Variants in KCNIP4 observed in about 807,000 individuals in gnomAD.
KCNIP4 encodes Kv channel-interacting protein 4.
In KCNIP4, 12 loss-of-function variants were observed where a neutral mutation model predicts 34.0. The observed-to-expected ratio is 0.35, with a 90% CI of 0.23 to 0.57. The LOEUF (loss-of-function observed/expected upper bound fraction) is 0.57, where lower values mean the gene tolerates loss of function less well. KCNIP4 is among the 20% of genes least tolerant of loss of function. The pLI is 0.83. For synonymous variants in KCNIP4, 124 were observed against 102.2 expected, an observed-to-expected ratio of 1.21 and a Z score of -1.29; for missense variants, 238 against 311.7, an observed-to-expected ratio of 0.76 and a Z score of 1.78.
chr4:20,890,463 G>A (rs1376858414), intron 1 of KCNIP4, among the ~76,000 whole-genome samples: 2 of 151,920 alleles, frequency 1.3e-5, no homozygotes, highest in Non-Finnish European at 2.9e-5. Context: ...ATCCTGTTTC[G>A]ATTATTAACA....
intron 3 of KCNIP4, among the ~76,000 whole-genome samples, chr4:20,797,541 T>C (rs1448018331): frequency 2.0e-5 from 3 of 152,244 alleles, no homozygotes; most frequent in East Asian, 1.9e-4. Context: ...CACTATACAG[T>C]TGATCTTAAG....
chr4:21,430,674 C>T (rs1397700037), intron 1 of KCNIP4, among the ~76,000 whole-genome samples: 1 of 151,964 alleles, frequency 6.6e-6, no homozygotes, highest in Non-Finnish European at 1.5e-5. Flanking sequence ...CAATAGCCTC[C>T]GAAGGTTAAA....
intron 1 of KCNIP4, among the ~76,000 whole-genome samples, chr4:21,498,255 C>A (rs1186614334): frequency 6.6e-6 from 1 of 151,982 alleles, no homozygotes; most frequent in East Asian, 1.9e-4. Flanking sequence ...CGTTACCCAC[C>A]AAGAAACTTT....
intron 1 of KCNIP4, among the ~76,000 whole-genome samples, chr4:21,294,680 T>C (rs1337700904): frequency 6.6e-6 from 1 of 152,190 alleles, no homozygotes; most frequent in Non-Finnish European, 1.5e-5. Flanking sequence ...ACAATATGTA[T>C]GCTACCAAAT....
chr4:20,928,752 A>T (rs1730148271), intron 1 of KCNIP4, among the ~76,000 whole-genome samples: 1 of 152,010 alleles, frequency 6.6e-6, no homozygotes, highest in African/African-American at 2.4e-5. Context: ...ATAAAATCAG[A>T]AATAAAAGTA....
At chr4:21,159,381 A>AAAAT (rs1471909232) in intron 1 of KCNIP4, among the ~76,000 whole-genome samples, 2 of 86,358 alleles carry the variant, frequency 2.3e-5, no homozygotes, top group Non-Finnish European at 2.4e-5. Flanking sequence ...TATACTAAAG[A>AAAAT]TATGTTTGAG....
rs190709909 is a variant in KCNIP4 at position 21,902,230 on chromosome 4, T to C, written c.61+46341A>G. On this transcript the variant is annotated intron_variant, in intron 1 of 8. Transcript: ENST00000382152. ...TTGAGGCCTCATGAATACAGGGCAT[T>C]TCCTTCATCACACAGAGGACATCAT... 2.3e-4 allele frequency among the ~76,000 whole-genome samples: 35 copies of C among 152,162 alleles called. No individual in the cohort carries two copies. In the East Asian group the frequency reaches 6.8e-3, roughly 30 times the overall value.
chr4:21,308,748 A>C lies in KCNIP4; in HGVS notation c.62-426039T>G, dbSNP rs1712785316. Among the ~76,000 whole-genome samples the C allele has an allele frequency of 2.0e-5, 3 of 151,494 alleles. No individual in the cohort carries two copies. In the East Asian group the frequency reaches 5.8e-4, roughly 29 times the overall value. ...TGTGTGTGTGTGTGTGTAGCAGATAAGTATGAAGCGGCAGTGAGAGAAAAG... is the reference window on the plus strand; with the variant it reads ...TGTGTGTGTGTGTGTGTAGCAGATACGTATGAAGCGGCAGTGAGAGAAAAG... On this transcript the variant is annotated intron_variant, in intron 1 of 8. Transcript: ENST00000382152.
intron 1 of KCNIP4, among the ~76,000 whole-genome samples, chr4:21,404,200 C>T (rs1723783425): frequency 6.6e-6 from 1 of 152,178 alleles, no homozygotes; most frequent in Admixed American, 6.5e-5. Flanking sequence ...ACATTTGTCC[C>T]TTGCATCCTC....
At chr4:21,615,943 G>A (rs1408107400) in intron 1 of KCNIP4, among the ~76,000 whole-genome samples, 1 of 152,268 alleles carries the variant, frequency 6.6e-6, no homozygotes, top group East Asian at 1.9e-4. Context: ...TTTGTCCTCT[G>A]GTTTCTATCC....
intron 1 of KCNIP4, among the ~76,000 whole-genome samples, chr4:21,445,389 G>A (rs1257680427): frequency 6.6e-6 from 1 of 152,216 alleles, no homozygotes; most frequent in African/African-American, 2.4e-5. Context: ...CAAGGCTACA[G>A]TAACCAAAAC....
At chr4:20,803,470 CAAAAAAAAAAAAAA>C (rs551176038) in intron 3 of KCNIP4, among the ~76,000 whole-genome samples, 11 of 85,904 alleles carry the variant, frequency 1.3e-4, no homozygotes, top group African/African-American at 3.1e-4. Flanking sequence ...TCATCTTTAC[CAAAAAAAAAAAAAA>C]AAAAAAAAAA....
At chr4:21,124,057 C>A (rs1366949394) in intron 1 of KCNIP4, among the ~76,000 whole-genome samples, 22 of 150,164 alleles carry the variant, frequency 1.5e-4, no homozygotes, top group South Asian at 8.4e-4. Flanking sequence ...AAAAAAACAA[C>A]AAAAAAAACC....
intron 1 of KCNIP4, among the ~76,000 whole-genome samples, chr4:20,918,683 C>T (rs1053293198): frequency 6.6e-6 from 1 of 152,168 alleles, no homozygotes; most frequent in Non-Finnish European, 1.5e-5. Flanking sequence ...AGTGGTCTCA[C>T]CCTGCCCTCT....
intron 3 of KCNIP4, among the ~76,000 whole-genome samples, chr4:20,793,945 G>A (rs1476796648): frequency 6.6e-6 from 1 of 152,104 alleles, no homozygotes; most frequent in Non-Finnish European, 1.5e-5. Flanking sequence ...CCAGTGGGAG[G>A]TAATTGAGTC....
intron 1 of KCNIP4, among the ~76,000 whole-genome samples, chr4:21,695,931 A>C (rs1376367417): frequency 6.6e-6 from 1 of 152,042 alleles, no homozygotes; most frequent in Non-Finnish European, 1.5e-5. Flanking sequence ...GCTAATATGC[A>C]GGTAATGTCA....
chr4:21,566,110 T>C (rs899429852), intron 1 of KCNIP4, among the ~76,000 whole-genome samples: 4 of 152,162 alleles, frequency 2.6e-5, no homozygotes, highest in Admixed American at 2.6e-4. Context: ...TCAATGTCAC[T>C]GAGAACTGGA....
At chr4:21,094,351 C>T (rs1040479787) in intron 1 of KCNIP4, among the ~76,000 whole-genome samples, 3 of 152,142 alleles carry the variant, frequency 2.0e-5, no homozygotes, top group African/African-American at 7.2e-5. Flanking sequence ...AAGGGATTAA[C>T]ATCTAATATG....
At chr4:21,194,769 G>T (rs1455830010) in intron 1 of KCNIP4, among the ~76,000 whole-genome samples, 1 of 152,176 alleles carries the variant, frequency 6.6e-6, no homozygotes, top group Non-Finnish European at 1.5e-5. Context: ...TGGAACATCA[G>T]TCAGCCCAGG....
Sources: gnomAD v4.1 joint callset for allele counts (sites outside exome capture counted in the v4.1 genomes callset) on GRCh38, gnomAD v4.1.1 for gene constraint, MANE v1.5 for transcripts, NCBI Gene and HGNC (gene_info 2026-07-23, HGNC 2026-07-21) for gene names.